The following MPRIP variants were observed in gnomAD, a reference collection of about 807,000 sequenced individuals.
The protein encoded by MPRIP is myosin phosphatase Rho-interacting protein.
In MPRIP, 59 loss-of-function variants were observed where a neutral mutation model predicts 234.9. The observed-to-expected ratio is 0.25, with a 90% CI of 0.20 to 0.31. The LOEUF (loss-of-function observed/expected upper bound fraction) is 0.31, where lower values mean the gene tolerates loss of function less well. Among genes scored for constraint, MPRIP ranks in the 10% least tolerant of loss-of-function variants. MPRIP has a pLI of 1.00. For missense variants in MPRIP, 2,436 were observed against 3,071.0 expected, an observed-to-expected ratio of 0.79 and a Z score of 4.89; for synonymous variants, 1,144 against 1,263.9, an observed-to-expected ratio of 0.91 and a Z score of 2.01.
At chr17:17,096,791 G>A in intron 3 of MPRIP, 1 of 471,090 alleles carries the variant, frequency 2.1e-6, no homozygotes, top group Non-Finnish European at 4.4e-6. Context: ...GACTCTCCTT[G>A]GGGCCTGGGG....
At chr17:17,044,591 A>G (rs2143797977) in intron 1 of MPRIP, among the ~76,000 whole-genome samples, 1 of 152,358 alleles carries the variant, frequency 6.6e-6, no homozygotes, top group South Asian at 2.1e-4. Flanking sequence ...TTTCTGGGCA[A>G]GGGTTGTTCT....
chr17:17,111,526 G>T (rs1201445046), intron 3 of MPRIP, among the ~76,000 whole-genome samples: 3 of 152,332 alleles, frequency 2.0e-5, no homozygotes, highest in South Asian at 2.1e-4. Flanking sequence ...GTCCAGGGGG[G>T]TCTCTGTTTT....
intron 1 of MPRIP, among the ~76,000 whole-genome samples, chr17:17,070,432 T>C (rs181660204): frequency 6.6e-6 from 1 of 152,314 alleles, no homozygotes; most frequent in African/African-American, 2.4e-5. Flanking sequence ...AGTTCCCTTT[T>C]ATTTATTCAT....
intron 4 of MPRIP, among the ~76,000 whole-genome samples, chr17:17,129,085 G>A (rs1047737349): frequency 3.3e-5 from 5 of 152,174 alleles, no homozygotes; most frequent in Admixed American, 6.5e-5. Flanking sequence ...TGACAGCTGC[G>A]TGGGCTGCCG....
At chr17:17,161,413 G>A (rs566766662) in intron 15 of MPRIP, 57 bp downstream of exon 15, 144 of 1,294,198 alleles carry the variant, frequency 1.1e-4, no homozygotes, top group Non-Finnish European at 1.5e-4. Context: ...AGTGTGAAGG[G>A]TTCATGCTCA....
intron 16 of MPRIP, chr17:17,168,753 T>C (rs769161275): frequency 2.4e-6 from 1 of 419,462 alleles, no homozygotes; most frequent in South Asian, 1.7e-5. Context: ...CTCAGGAAGC[T>C]GCCCCAGTAA....
chr17:17,059,136 GA>G (rs1256312332), intron 1 of MPRIP, among the ~76,000 whole-genome samples: 1 of 152,144 alleles, frequency 6.6e-6, no homozygotes, highest in Non-Finnish European at 1.5e-5. Flanking sequence ...CATATATTCT[GA>G]AAAATAACTT....
chr17:17,086,667 A>G (rs538404594), intron 3 of MPRIP, among the ~76,000 whole-genome samples: 26 of 152,340 alleles, frequency 1.7e-4, no homozygotes, highest in African/African-American at 5.3e-4. Context: ...CCCAGGTAGG[A>G]TGGAAACGCT....
chr17:17,056,434 G>A (rs994007933), intron 1 of MPRIP, among the ~76,000 whole-genome samples: 2 of 152,128 alleles, frequency 1.3e-5, no homozygotes, highest in Non-Finnish European at 2.9e-5. Context: ...CCTCCAGCTT[G>A]AATACAGTGG....
At chr17:17,051,483 C>T (rs1209466495) in intron 1 of MPRIP, among the ~76,000 whole-genome samples, 4 of 152,188 alleles carry the variant, frequency 2.6e-5, no homozygotes. Context: ...TCATCAAAAG[C>T]AGTGCAGCTC....
intron 13 of MPRIP, among the ~76,000 whole-genome samples, chr17:17,154,639 C>T (rs1238140292): frequency 6.6e-6 from 1 of 152,240 alleles, no homozygotes; most frequent in Non-Finnish European, 1.5e-5. Context: ...TTTCATCTTG[C>T]AGGTAGCATG....
intron 4 of MPRIP, among the ~76,000 whole-genome samples, chr17:17,130,824 A>T (rs2090582938): frequency 6.6e-6 from 1 of 152,090 alleles, no homozygotes; most frequent in Non-Finnish European, 1.5e-5. Context: ...TGGCAAGGCA[A>T]CTGCTGTTGG....
In MPRIP at chr17:17,139,155, C is replaced by T. The variant is rs564551593; in HGVS notation, c.1250+726C>T. The stretch of plus-strand genomic sequence containing the variant: ...AAGAAGATGAGGGCCCATGCCCTGC[C>T]CTGCCCTTGTTCTCCAGAGTTTCCT... On this transcript the variant is annotated intron_variant, in intron 7 of 23. Transcript: ENST00000651222. 3.3e-5 allele frequency among the ~76,000 whole-genome samples: 5 copies of T among 152,332 alleles called. No homozygotes were observed. In the South Asian group the frequency reaches 1.0e-3, roughly 32 times the overall value.
In MPRIP at chr17:17,143,523, G is replaced by C. The variant is rs755855401; in HGVS notation, c.1390-33G>C. ...CCCTCACATGCCCACATTGCCCTGG[G>C]CTGCACTGACCAGCGGCTGCTCTCT... On this transcript the variant is annotated intron_variant, in intron 8 of 23. Coordinates refer to ENST00000651222, the MANE Select transcript of MPRIP (RefSeq NM_001364716.4). 2.8e-5 allele frequency: 42 copies of C among 1,476,352 alleles called. No homozygotes were observed. The African/African-American group carries it at 3.5e-4, about 12-fold the overall frequency. 91.5% of individuals were successfully genotyped at this position (1,476,352 alleles called of 1,614,324 possible).
chr17:17,090,012 C>T (rs1231830882), intron 3 of MPRIP, among the ~76,000 whole-genome samples: 3 of 151,760 alleles, frequency 2.0e-5, no homozygotes, highest in Non-Finnish European at 4.4e-5. Flanking sequence ...GCCTGGCCTC[C>T]TGTTCACTGA....
chr17:17,105,183 GAGC>G (rs2090039588), intron 3 of MPRIP, among the ~76,000 whole-genome samples: 1 of 152,202 alleles, frequency 6.6e-6, no homozygotes, highest in Non-Finnish European at 1.5e-5. Flanking sequence ...CCAGGGCAGG[GAGC>G]ACTGCCTGCT....
chr17:17,096,291 GTGTGTGTGTGTGT>G (rs2089840889), intron 3 of MPRIP, among the ~76,000 whole-genome samples: 3 of 1,688 alleles, frequency 1.8e-3, no homozygotes, highest in South Asian at 0.023. Flanking sequence ...TGTGCAGGGT[GTGTGTGTGTGTGT>G]GTGTGTGTGT....
chr17:17,169,350 A>G (rs2046080460), intron 16 of MPRIP, among the ~76,000 whole-genome samples: 1 of 152,232 alleles, frequency 6.6e-6, no homozygotes, highest in Admixed American at 6.5e-5. Context: ...GGGCACAGCA[A>G]TGCCCTGCTT....
At chr17:17,127,497 A>G (rs926666801) in intron 4 of MPRIP, among the ~76,000 whole-genome samples, 2 of 152,260 alleles carry the variant, frequency 1.3e-5, no homozygotes, top group Non-Finnish European at 2.9e-5. Context: ...CCAGGGCAGC[A>G]TCTGCCTTCC....
Sources: gnomAD v4.1 joint callset for allele counts (sites outside exome capture counted in the v4.1 genomes callset) on GRCh38, gnomAD v4.1.1 for gene constraint, MANE v1.5 for transcripts, NCBI Gene and HGNC (gene_info 2026-07-23, HGNC 2026-07-21) for gene names.